EIF4ENIF1: variants seen among roughly 807,000 people sequenced by gnomAD.
The protein encoded by EIF4ENIF1 is eukaryotic translation initiation factor 4E nuclear import factor 1, also known as eukaryotic translation initiation factor 4E transporter.
EIF4ENIF1 carries 23 observed loss-of-function variants against 110.5 expected under a neutral mutation model. That is an observed-to-expected ratio of 0.21 (90% CI 0.15 to 0.29). EIF4ENIF1 has a LOEUF of 0.29. EIF4ENIF1 is among the 10% of genes least tolerant of loss of function. EIF4ENIF1 has a pLI of 1.00. For missense variants in EIF4ENIF1, 1,031 were observed against 1,221.1 expected, an observed-to-expected ratio of 0.84 and a Z score of 2.32; for synonymous variants, 440 against 437.0, an observed-to-expected ratio of 1.01 and a Z score of -0.09.
chr22:31,439,868 T>G lies in EIF4ENIF1; in HGVS notation c.*12A>C, dbSNP rs555277054. 5.6e-6 allele frequency: 9 copies of G among 1,611,398 alleles called. No homozygotes were observed. The highest frequency in any genetic ancestry group is 1.7e-5 in the Admixed American group (1 of 60,016). On this transcript the variant is annotated 3_prime_UTR_variant, in exon 19 of 19. Transcript: ENST00000330125. Reference sequence around the variant, plus strand: ...CCACAGGTCCGGGCTTAGTTGAGTCTGCCTGCCCTGCTCACTGTCGGTATT... The same window carrying G: ...CCACAGGTCCGGGCTTAGTTGAGTCGGCCTGCCCTGCTCACTGTCGGTATT...
intron 10 of EIF4ENIF1, chr22:31,450,738 ACAC>A: frequency 3.7e-6 from 1 of 272,636 alleles, no homozygotes. Context: ...ACACACACAC[ACAC>A]TCATATATAC....
chr22:31,465,975 A>C lies in EIF4ENIF1; in HGVS notation c.299-2008T>G, dbSNP rs2051171780. ...AAACTAATCTATAGAAACAGAAAGCAGATACAGAAAGCAGATCAGTCCGGA... is the reference window on the plus strand; with the variant it reads ...AAACTAATCTATAGAAACAGAAAGCCGATACAGAAAGCAGATCAGTCCGGA... On this transcript the variant is annotated intron_variant, in intron 4 of 18. Coordinates refer to ENST00000330125, the MANE Select transcript of EIF4ENIF1 (RefSeq NM_019843.4). Among the ~76,000 whole-genome samples, 4 of 152,342 alleles carry C rather than the reference A, an allele frequency of 2.6e-5. No individual in the cohort carries two copies. In the South Asian group the frequency reaches 8.3e-4, roughly 32 times the overall value.
rs2050246846 is a variant in EIF4ENIF1, at chr22:31,440,123, T to C, written c.2717-2A>G. ...AACCAGAGCCTGGAGGATGCAGAACTGTGGAGATAAGAAGGGTTATCATTC... is the reference window on the plus strand; with the variant it reads ...AACCAGAGCCTGGAGGATGCAGAACCGTGGAGATAAGAAGGGTTATCATTC... On this transcript the variant is annotated splice_acceptor_variant, in intron 18 of 18. Transcript: ENST00000330125. LOFTEE classifies it high-confidence loss of function. 5 of 1,614,140 alleles carry C rather than the reference T, an allele frequency of 3.1e-6. No individual in the cohort carries two copies. The highest frequency in any genetic ancestry group is 4.2e-6 in the Non-Finnish European group (5 of 1,180,012).
At chr22:31,487,496 T>C (rs2052080243) in intron 2 of EIF4ENIF1, among the ~76,000 whole-genome samples, 2 of 152,124 alleles carry the variant, frequency 1.3e-5, no homozygotes, top group South Asian at 2.1e-4. Flanking sequence ...CAATAAGCCA[T>C]GTCAGAGTCA....
chr22:31,481,159 T>C (rs1012536038), intron 2 of EIF4ENIF1, among the ~76,000 whole-genome samples: 4 of 152,000 alleles, frequency 2.6e-5, no homozygotes, highest in African/African-American at 7.2e-5. Flanking sequence ...CACATTAAGA[T>C]TGAATAATTT....
rs1390663088 is a variant in EIF4ENIF1 at position 31,462,954 on chromosome 22, T to C, written c.765A>G (p.Arg255=). Reference sequence around the variant, plus strand: ...GACCTTCCTTCACAGAGGCTGTCCGTCGCCTTGTTCTTTTTCTCCCTTTGT... The same window carrying C: ...GACCTTCCTTCACAGAGGCTGTCCGCCGCCTTGTTCTTTTTCTCCCTTTGT... ...EDHKGRKRTR[R]RTASVKEGIV... The change falls in exon 6 of 19, where the codon CGA becomes CGG. Residue 255 remains arginine (R), a synonymous_variant. Transcript: ENST00000330125. 6.2e-7 allele frequency: 1 copy of C among 1,613,898 alleles called. No individual in the cohort carries two copies. The highest frequency in any genetic ancestry group is 8.5e-7 in the Non-Finnish European group (1 of 1,179,976).
intron 6 of EIF4ENIF1, among the ~76,000 whole-genome samples, chr22:31,459,580 T>C (rs1255129717): frequency 2.6e-5 from 4 of 152,178 alleles, no homozygotes; most frequent in East Asian, 1.9e-4. Context: ...CACTGTATAA[T>C]AGTAACTCTC....
intron 2 of EIF4ENIF1, among the ~76,000 whole-genome samples, chr22:31,477,367 A>C (rs1239722376): frequency 6.7e-5 from 9 of 134,082 alleles, no homozygotes; most frequent in Non-Finnish European, 1.4e-4. Context: ...CAAAAAAAAA[A>C]AAAAAAACAA....
At chr22:31,484,274 A>AG (rs1422709664) in intron 2 of EIF4ENIF1, among the ~76,000 whole-genome samples, 3 of 152,182 alleles carry the variant, frequency 2.0e-5, no homozygotes, top group African/African-American at 7.2e-5. Flanking sequence ...AGCTAACTAA[A>AG]GGATGTCTTC....
Position 31,471,833 on chromosome 22 carries a change from GAC to G in EIF4ENIF1, c.170+9_170+10del. The G allele has an allele frequency of 6.3e-7, 1 of 1,593,152 alleles. No homozygotes were observed. ...ACTAGAAGTAGTTAAGGACTAGAAT[GAC>G]ACACATACCTGTCATATTTTTCAGA... On this transcript the variant is annotated intron_variant, in intron 3 of 18. Coordinates refer to ENST00000330125, the MANE Select transcript of EIF4ENIF1 (RefSeq NM_019843.4).
At chr22:31,443,228 C>G in intron 15 of EIF4ENIF1, 134 bp from the exon 16 acceptor site, 1 of 1,280,172 alleles carries the variant, frequency 7.8e-7, no homozygotes, top group African/African-American at 1.5e-5. Flanking sequence ...GTATTCTGTT[C>G]TGTAGCTGCT....
intron 11 of EIF4ENIF1, 47 bp downstream of exon 11, chr22:31,450,242 G>C: frequency 6.6e-7 from 1 of 1,521,022 alleles, no homozygotes; most frequent in South Asian, 1.1e-5. Context: ...TGGTTCAGAA[G>C]ACTACTGTTC....
At chr22:31,492,591 AG>A (rs1420186480), upstream of EIF4ENIF1, among the ~76,000 whole-genome samples, 3 of 152,208 alleles carry the variant, frequency 2.0e-5, no homozygotes, top group Non-Finnish European at 4.4e-5. Flanking sequence ...GTTATTACCT[AG>A]GAAAAAAGGT....
Position 31,455,030 on chromosome 22 carries a change from T to C in EIF4ENIF1, c.1279+106A>G, listed in dbSNP as rs1186203122. The C allele has an allele frequency of 9.7e-6, 9 of 927,188 alleles. No homozygotes were observed. The Admixed American group carries it at 1.6e-4, about 17-fold the overall frequency. 57.4% of individuals were successfully genotyped at this position (927,188 alleles called of 1,614,324 possible). ...AAGAACATTAAACAAAAACCCAATA[T>C]ATATTTGACTTTTTATGAAACAGAG... is the stretch of plus-strand genomic sequence containing the variant. On this transcript the variant is annotated intron_variant, in intron 9 of 18. Coordinates refer to ENST00000330125, the MANE Select transcript of EIF4ENIF1 (RefSeq NM_019843.4).
At chr22:31,441,480 C>T (rs1192468362) in intron 17 of EIF4ENIF1, among the ~76,000 whole-genome samples, 1 of 141,638 alleles carries the variant, frequency 7.1e-6, no homozygotes, top group Non-Finnish European at 1.5e-5. Context: ...GCAGAGGTTG[C>T]AGTGAGCTGA....
At chr22:31,446,285 CAA>C (rs3068275) in intron 14 of EIF4ENIF1, among the ~76,000 whole-genome samples, 7 of 105,690 alleles carry the variant, frequency 6.6e-5, no homozygotes, top group Admixed American at 2.1e-4. Flanking sequence ...AGATTGTCTC[CAA>C]AAAAAAAAAA....
chr22:31,451,481 G>A (rs1385828414), intron 10 of EIF4ENIF1, among the ~76,000 whole-genome samples: 6 of 150,280 alleles, frequency 4.0e-5, no homozygotes, highest in Non-Finnish European at 7.4e-5. Context: ...TCACCATGTT[G>A]GCCAGGATGG....
rs1413896274 is a variant in EIF4ENIF1 at position 31,455,383 on chromosome 22, T to TTTTC, written c.1100-72_1100-69dup. The TTTTC allele has an allele frequency of 4.7e-6, 6 of 1,273,758 alleles. No homozygotes were observed. In the African/African-American group the frequency reaches 9.3e-5, roughly 20 times the overall value. The allele number at this position is 1,273,758 out of a possible 1,614,324, so 78.9% of individuals were successfully genotyped here. ...TAAAGAAACATGCCTTCGACAGTATTTTTCTTTCTTTCTTTTTTTTTTTTT... is the reference window on the plus strand; with the variant it reads ...TAAAGAAACATGCCTTCGACAGTATTTTTCTTTCTTTCTTTCTTTTTTTTTTTTT... On this transcript the variant is annotated intron_variant, in intron 8 of 18. Coordinates refer to ENST00000330125, the MANE Select transcript of EIF4ENIF1 (RefSeq NM_019843.4).
rs60986284 is a variant in EIF4ENIF1 at position 31,483,209 on chromosome 22, C to CTTT, written c.96+5411_96+5413dup. On this transcript the variant is annotated intron_variant, in intron 2 of 18. Coordinates refer to ENST00000330125, the MANE Select transcript of EIF4ENIF1 (RefSeq NM_019843.4). Reference sequence around the variant, plus strand: ...ATGAGCACCACTGCCAGGAGACGATCTTTTTTTTTTTTTTTTTTTTTTGAG... The same window carrying CTTT: ...ATGAGCACCACTGCCAGGAGACGATCTTTTTTTTTTTTTTTTTTTTTTTTTGAG... 3.0e-3 allele frequency among the ~76,000 whole-genome samples: 268 copies of CTTT among 89,388 alleles called. 4 individuals carry two copies. Among genetic ancestry groups the CTTT allele is most frequent in the African/African-American group, 7.5e-3 (185 of 24,588 alleles). The allele number at this position is 89,388 out of a possible 152,430, so 58.6% of individuals were successfully genotyped here.
Sources: gnomAD v4.1 joint callset for allele counts (sites outside exome capture counted in the v4.1 genomes callset) on GRCh38, gnomAD v4.1.1 for gene constraint, MANE v1.5 for transcripts, NCBI Gene and HGNC (gene_info 2026-07-23, HGNC 2026-07-21) for gene names.